Variants in HERC4 observed in about 807,000 individuals in gnomAD.
The protein encoded by HERC4 is HECT and RLD domain containing E3 ubiquitin protein ligase 4.
Under a neutral mutation model 124.3 loss-of-function variants are expected in HERC4, and 28 were observed. The ratio of observed to expected loss-of-function variants is 0.23; its 90% confidence interval spans 0.17 to 0.31. The LOEUF (loss-of-function observed/expected upper bound fraction) is 0.31, where lower values mean the gene tolerates loss of function less well. HERC4 is among the 10% of genes least tolerant of loss of function. The pLI is 1.00. For synonymous variants in HERC4, 407 were observed against 421.5 expected (o/e 0.97, Z 0.42); for missense variants, 713 against 1,229.3 (o/e 0.58, Z 6.28).
rs1038696820 is a variant in HERC4 at position 67,956,863 on chromosome 10, C to T, written c.2025+15G>A. ...AAACAATTAAAAAAAAAAACCCTCTCAAATAATATTTTACCTGCATCTGTA... is the reference window on the plus strand; with the variant it reads ...AAACAATTAAAAAAAAAAACCCTCTTAAATAATATTTTACCTGCATCTGTA... On this transcript the variant is annotated intron_variant, in intron 17 of 24. Coordinates refer to ENST00000373700, the MANE Select transcript of HERC4 (RefSeq NM_015601.4). The T allele has an allele frequency of 1.7e-5, 26 of 1,486,082 alleles. No homozygotes were observed. Among genetic ancestry groups the T allele is most frequent in the African/African-American group, 7.1e-5 (5 of 70,126 alleles). 92.1% of individuals were successfully genotyped at this position (1,486,082 alleles called of 1,614,324 possible).
intron 3 of HERC4, among the ~76,000 whole-genome samples, chr10:68,059,464 T>TATATTATAATATTATATATTATAAC (rs2040727946): frequency 4.6e-5 from 6 of 131,644 alleles, no homozygotes; most frequent in South Asian, 2.2e-4. Context: ...ATTATAATAA[T>TATATTATAATATTATATATTATAAC]ATTATATATT....
intron 15 of HERC4, among the ~76,000 whole-genome samples, chr10:67,976,103 T>G (rs1018862898): frequency 6.6e-6 from 1 of 151,900 alleles, no homozygotes. Flanking sequence ...CACAGTGGAG[T>G]TGAGAGTTGA....
intron 15 of HERC4, among the ~76,000 whole-genome samples, chr10:67,984,884 C>T (rs900589163): frequency 1.3e-5 from 2 of 151,876 alleles, no homozygotes; most frequent in Non-Finnish European, 2.9e-5. Flanking sequence ...CCACCGCACC[C>T]GGCCAAACCT....
intron 15 of HERC4, among the ~76,000 whole-genome samples, chr10:67,983,354 C>G (rs915207643): frequency 6.6e-6 from 1 of 152,148 alleles, no homozygotes; most frequent in African/African-American, 2.4e-5. Context: ...CATGATCTAG[C>G]AATCCCACTG....
At chr10:68,068,966 G>A in intron 3 of HERC4, 1 of 766,008 alleles carries the variant, frequency 1.3e-6, no homozygotes, top group Non-Finnish European at 1.6e-6. Context: ...AAAGAATGTT[G>A]TAAAACACAA....
intron 9 of HERC4, among the ~76,000 whole-genome samples, chr10:68,013,750 A>G (rs1277573831): frequency 1.3e-5 from 2 of 152,242 alleles, no homozygotes; most frequent in East Asian, 3.8e-4. Flanking sequence ...AATTTAAAAT[A>G]GAAAACAAAA....
At chr10:67,952,239 C>A (rs1024252517) in intron 19 of HERC4, among the ~76,000 whole-genome samples, 1 of 152,258 alleles carries the variant, frequency 6.6e-6, no homozygotes, top group Admixed American at 6.5e-5. Flanking sequence ...TTGTTAAAAC[C>A]AAAACGTGAT....
At chr10:67,978,552 C>G (rs963216173) in intron 15 of HERC4, among the ~76,000 whole-genome samples, 7 of 152,198 alleles carry the variant, frequency 4.6e-5, no homozygotes, top group Non-Finnish European at 1.0e-4. Flanking sequence ...CTAGCTGCCC[C>G]GAAGGGAAGG....
At chr10:68,032,268 A>G (rs1249150768) in intron 7 of HERC4, among the ~76,000 whole-genome samples, 1 of 152,234 alleles carries the variant, frequency 6.6e-6, no homozygotes, top group Non-Finnish European at 1.5e-5. Flanking sequence ...TACCCAAGAC[A>G]GTGAGAGGTC....
At chr10:67,944,523 A>G (rs1024664205) in intron 19 of HERC4, among the ~76,000 whole-genome samples, 2 of 152,150 alleles carry the variant, frequency 1.3e-5, no homozygotes, top group Non-Finnish European at 2.9e-5. Context: ...TACAATAAAT[A>G]CCTAACTCTT....
Position 67,992,251 on chromosome 10 carries a change from T to C in HERC4, c.1219A>G (p.Ile407Val). Residue 407 changes from isoleucine to valine, a missense_variant, in exon 11 of 25, where the codon ATT becomes GTT. By Grantham distance (29) the Ile-to-Val change is conservative. Coordinates refer to ENST00000373700, the MANE Select transcript of HERC4 (RefSeq NM_015601.4). ...GAAGGATAGCTCAGCCATTTCTGAA[T>C]TAGAGCTTCATTCACTGTCCAGATC... is the stretch of plus-strand genomic sequence containing the variant. ...KQIWTVNEAL[I>V]QKWLSYPSGR... 1 of 1,614,120 alleles carries C rather than the reference T, an allele frequency of 6.2e-7. No individual in the cohort carries two copies. Among genetic ancestry groups the C allele is most frequent in the Non-Finnish European group, 8.5e-7 (1 of 1,179,984 alleles).
At chr10:68,059,469 T>TA (rs1479410718) in intron 3 of HERC4, among the ~76,000 whole-genome samples, 1 of 132,134 alleles carries the variant, frequency 7.6e-6, no homozygotes, top group African/African-American at 2.9e-5. Flanking sequence ...AATAATATTA[T>TA]ATATTATAAT....
intron 8 of HERC4, among the ~76,000 whole-genome samples, chr10:68,021,749 G>A (rs549264596): frequency 1.4e-4 from 22 of 151,978 alleles, no homozygotes; most frequent in East Asian, 1.2e-3. Flanking sequence ...CAGAGGTTGC[G>A]GTGAGCCGAG....
chr10:68,017,543 G>A (rs1276791197), intron 8 of HERC4, among the ~76,000 whole-genome samples: 1 of 152,202 alleles, frequency 6.6e-6, no homozygotes, highest in East Asian at 1.9e-4. Flanking sequence ...GAGTGCAGTG[G>A]TGCAATCTCA....
intron 3 of HERC4, among the ~76,000 whole-genome samples, chr10:68,065,108 G>A (rs1011506997): frequency 1.3e-4 from 19 of 151,584 alleles, no homozygotes; most frequent in Admixed American, 4.6e-4. Flanking sequence ...AATTATTATC[G>A]GGGGAAAAAA....
At chr10:68,013,778 T>C (rs2038106358) in intron 9 of HERC4, among the ~76,000 whole-genome samples, 1 of 152,342 alleles carries the variant, frequency 6.6e-6, no homozygotes, top group African/African-American at 2.4e-5. Flanking sequence ...CTCCCACTGG[T>C]ATGTAGCCAT....
chr10:67,965,956 T>TA (rs1486459745), intron 16 of HERC4: 2 of 152,244 alleles, frequency 1.3e-5, no homozygotes, highest in Non-Finnish European at 2.9e-5. Flanking sequence ...TTTAATGGGA[T>TA]AGTGTCTAGT....
chr10:67,967,635 G>A (rs1462628248), intron 15 of HERC4, among the ~76,000 whole-genome samples: 1 of 152,120 alleles, frequency 6.6e-6, no homozygotes, highest in African/African-American at 2.4e-5. Flanking sequence ...TCTTCATCAA[G>A]TGATCTAACT....
At chr10:68,062,751 C>T (rs2041096226) in intron 3 of HERC4, among the ~76,000 whole-genome samples, 1 of 151,730 alleles carries the variant, frequency 6.6e-6, no homozygotes, top group Non-Finnish European at 1.5e-5. Context: ...CAGAATGAGA[C>T]TCCATCTCAA....
Sources: allele counts gnomAD v4.1 joint callset (sites outside exome capture counted in the v4.1 genomes callset), GRCh38; gene constraint gnomAD v4.1.1; transcripts MANE v1.5; gene names NCBI Gene and HGNC (gene_info 2026-07-23, HGNC 2026-07-21).